SLC4A10: variants seen among roughly 807,000 people sequenced by gnomAD.
The protein encoded by SLC4A10 is solute carrier family 4 member 10.
SLC4A10 carries 42 observed loss-of-function variants against 137.7 expected under a neutral mutation model. That is an observed-to-expected ratio of 0.30 (90% CI 0.24 to 0.39). The LOEUF (loss-of-function observed/expected upper bound fraction) is 0.39. Among genes scored for constraint, SLC4A10 ranks in the 10% least tolerant of loss-of-function variants. The pLI is 1.00. For missense variants in SLC4A10, 925 were observed against 1,355.0 expected (o/e 0.68, Z 4.98); for synonymous variants, 474 against 464.1 (o/e 1.02, Z -0.27).
At chr2:161,838,797 A>AT (rs2125784644) in intron 3 of SLC4A10, among the ~76,000 whole-genome samples, 1 of 152,332 alleles carries the variant, frequency 6.6e-6, no homozygotes, top group African/African-American at 2.4e-5. Context: ...ATGGCTACAA[A>AT]ACAACTGATA....
intron 1 of SLC4A10, among the ~76,000 whole-genome samples, chr2:161,763,410 G>T (rs774600521): frequency 4.6e-5 from 7 of 152,032 alleles, no homozygotes; most frequent in African/African-American, 7.2e-5. Flanking sequence ...TTAATGAACG[G>T]ACTATTTATA....
intron 26 of SLC4A10, among the ~76,000 whole-genome samples, chr2:161,980,135 T>C (rs1009956838): frequency 2.6e-5 from 4 of 152,200 alleles, no homozygotes; most frequent in African/African-American, 9.6e-5. Context: ...TTTTTTAAAC[T>C]GATGCCCAAG....
chr2:161,826,783 C>A (rs543275328), intron 3 of SLC4A10, among the ~76,000 whole-genome samples: 1 of 152,042 alleles, frequency 6.6e-6, no homozygotes, highest in Non-Finnish European at 1.5e-5. Context: ...AATGGAAATA[C>A]CTTATTTGTC....
At chr2:161,804,673 A>G in intron 3 of SLC4A10, 78 bp downstream of exon 3, 1 of 1,275,406 alleles carries the variant, frequency 7.8e-7, no homozygotes, top group South Asian at 2.1e-5. Flanking sequence ...TAGGAGTAAT[A>G]CCTTATACTC....
chr2:161,694,346 C>T (rs577837490), intron 1 of SLC4A10, among the ~76,000 whole-genome samples: 2 of 151,712 alleles, frequency 1.3e-5, no homozygotes, highest in Non-Finnish European at 2.9e-5. Flanking sequence ...GTATTTTTTT[C>T]CCCAGACATA....
intron 3 of SLC4A10, among the ~76,000 whole-genome samples, chr2:161,823,394 C>G (rs13386213): frequency 0.28 from 42,485 of 152,136 alleles, 7,680 homozygotes; most frequent in Non-Finnish European, 0.42. Flanking sequence ...CCTTGTGATG[C>G]TAATCACGTC....
chr2:161,753,913 A>G (rs2049292884), intron 1 of SLC4A10, among the ~76,000 whole-genome samples: 1 of 138,036 alleles, frequency 7.2e-6, no homozygotes, highest in Non-Finnish European at 1.6e-5. Context: ...TTTTTGGGAC[A>G]GAGCCTTGCT....
rs563366944 is a variant in SLC4A10 at position 161,894,859 on chromosome 2, A to AT, written c.1341+43dup. On this transcript the variant is annotated intron_variant, in intron 11 of 26. Coordinates refer to ENST00000446997, the MANE Select transcript of SLC4A10 (RefSeq NM_001178015.2). ...ATTTGAAGACATTCTTTGAAATTGA[A>AT]TTTTTTTTTGTCTTTTAAATGCATG... 9.4e-4 allele frequency: 1,212 copies of AT among 1,289,638 alleles called. 4 individuals carry two copies. The African/African-American group carries it at 0.01, about 11-fold the overall frequency. 79.9% of individuals were successfully genotyped at this position (1,289,638 alleles called of 1,614,324 possible). A position where few individuals can be genotyped will look rare whatever the true frequency, so the allele number is the denominator to read the frequency against.
chr2:161,669,538 C>A (rs916417394), intron 1 of SLC4A10, among the ~76,000 whole-genome samples: 21 of 151,882 alleles, frequency 1.4e-4, no homozygotes, highest in Middle Eastern at 3.4e-3. Flanking sequence ...CATACAAATA[C>A]TATTATATAA....
At chr2:161,742,439 CTTTT>C (rs35953656) in intron 1 of SLC4A10, among the ~76,000 whole-genome samples, 9 of 82,562 alleles carry the variant, frequency 1.1e-4, no homozygotes, top group African/African-American at 2.4e-4. Context: ...TTCTTTCTTT[CTTTT>C]TTTTTTTTTT....
intron 1 of SLC4A10, among the ~76,000 whole-genome samples, chr2:161,635,125 C>T (rs1265271114): frequency 6.6e-6 from 1 of 151,994 alleles, no homozygotes; most frequent in African/African-American, 2.4e-5. Flanking sequence ...TGCAGTCTCT[C>T]TTTTACATTA....
At chr2:161,654,915 C>T (rs964937680) in intron 1 of SLC4A10, among the ~76,000 whole-genome samples, 6 of 151,930 alleles carry the variant, frequency 3.9e-5, no homozygotes, top group African/African-American at 1.5e-4. Flanking sequence ...TAAAAAAATG[C>T]CATTGGGATT....
intron 2 of SLC4A10, among the ~76,000 whole-genome samples, chr2:161,790,013 C>T (rs1390818261): frequency 6.6e-6 from 1 of 152,070 alleles, no homozygotes; most frequent in African/African-American, 2.4e-5. Flanking sequence ...AACTAAGGTA[C>T]AGAAGATTAA....
At chr2:161,651,839 G>A (rs1175930083) in intron 1 of SLC4A10, among the ~76,000 whole-genome samples, 1 of 152,174 alleles carries the variant, frequency 6.6e-6, no homozygotes, top group African/African-American at 2.4e-5. Flanking sequence ...GCAGGTGTGG[G>A]ATCCAGGCTG....
intron 1 of SLC4A10, among the ~76,000 whole-genome samples, chr2:161,665,452 C>A (rs2038931683): frequency 2.0e-5 from 3 of 151,444 alleles, no homozygotes; most frequent in Non-Finnish European, 4.4e-5. Flanking sequence ...TAGTTAAATT[C>A]TGTGTGAAAT....
At chr2:161,832,852 T>A (rs2058519943) in intron 3 of SLC4A10, among the ~76,000 whole-genome samples, 1 of 152,222 alleles carries the variant, frequency 6.6e-6, no homozygotes, top group African/African-American at 2.4e-5. Flanking sequence ...GCCATTCTTC[T>A]GCCTCTGCCT....
chr2:161,932,045 A>G lies in SLC4A10; in HGVS notation c.1998-10747A>G, dbSNP rs76295109. ...AGTTTCCTTTTTGTCATTAATAAAT[A>G]TACTAGGTTTTCAGAGTATGAAAAT... On this transcript the variant is annotated intron_variant, in intron 15 of 26. Coordinates refer to ENST00000446997, the MANE Select transcript of SLC4A10 (RefSeq NM_001178015.2). Among the ~76,000 whole-genome samples the G allele has an allele frequency of 5.9e-4, 90 of 152,332 alleles. 1 individual carries two copies. The East Asian group carries it at 0.017, about 29-fold the overall frequency.
chr2:161,896,832 A>T (rs1480092359), intron 11 of SLC4A10, among the ~76,000 whole-genome samples: 2 of 152,126 alleles, frequency 1.3e-5, no homozygotes, highest in Non-Finnish European at 2.9e-5. Flanking sequence ...TACTAATCAA[A>T]CAGTGCCATA....
intron 21 of SLC4A10, among the ~76,000 whole-genome samples, chr2:161,959,212 A>G (rs948760106): frequency 2.6e-5 from 4 of 152,198 alleles, no homozygotes; most frequent in African/African-American, 4.8e-5. Context: ...TGTTTGTTTT[A>G]CTGTTATATT....
Sources: gnomAD v4.1 joint callset for allele counts (sites outside exome capture counted in the v4.1 genomes callset) on GRCh38, gnomAD v4.1.1 for gene constraint, MANE v1.5 for transcripts, NCBI Gene and HGNC (gene_info 2026-07-23, HGNC 2026-07-21) for gene names.